The following NEDD4L variants were observed in gnomAD, a reference collection of about 807,000 sequenced individuals.
NEDD4L encodes NEDD4 like E3 ubiquitin protein ligase, also known as E3 ubiquitin-protein ligase NEDD4-like.
NEDD4L carries 54 observed loss-of-function variants against 148.9 expected under a neutral mutation model. The ratio of observed to expected loss-of-function variants is 0.36; its 90% CI spans 0.29 to 0.45. NEDD4L has a LOEUF of 0.45. Among genes scored for constraint, NEDD4L ranks in the 20% least tolerant of loss-of-function variants. NEDD4L has a pLI of 1.00. For synonymous variants in NEDD4L, 433 were observed against 440.7 expected (o/e 0.98, Z 0.22); for missense variants, 856 against 1,233.8 (o/e 0.69, Z 4.59).
Position 58,286,335 on chromosome 18 carries a change from C to A in NEDD4L, c.298-29647C>A, listed in dbSNP as rs556306803. ...GTCATCATTGTATCAATAAAGGTGCCAATTTAAGATGCTAACTGGACATTG... is the reference window on the plus strand; with the variant it reads ...GTCATCATTGTATCAATAAAGGTGCAAATTTAAGATGCTAACTGGACATTG... On this transcript the variant is annotated intron_variant, in intron 5 of 30. Transcript: ENST00000400345. Among the ~76,000 whole-genome samples, 4 of 152,300 alleles carry A rather than the reference C, an allele frequency of 2.6e-5. No homozygotes were observed. The South Asian group carries it at 8.3e-4, about 32-fold the overall frequency.
intron 1 of NEDD4L, among the ~76,000 whole-genome samples, chr18:58,163,923 A>C (rs1267501827): frequency 6.6e-6 from 1 of 150,998 alleles, no homozygotes; most frequent in Non-Finnish European, 1.5e-5. Flanking sequence ...ATAATCATCA[A>C]GGTTTTCTTG....
intron 2 of NEDD4L, among the ~76,000 whole-genome samples, chr18:58,224,961 G>A (rs2044187546): frequency 1.3e-5 from 2 of 152,108 alleles, no homozygotes; most frequent in South Asian, 4.2e-4. Flanking sequence ...CCTTAATTTT[G>A]GTTTAAAAAA....
intron 5 of NEDD4L, among the ~76,000 whole-genome samples, chr18:58,296,404 A>G (rs928698895): frequency 6.6e-6 from 1 of 152,226 alleles, no homozygotes; most frequent in Admixed American, 6.5e-5. Context: ...AACTTAAAAC[A>G]GCAGACATTT....
At chr18:58,118,499 AAT>A (rs2086006472) in intron 1 of NEDD4L, among the ~76,000 whole-genome samples, 1 of 152,202 alleles carries the variant, frequency 6.6e-6, no homozygotes, top group African/African-American at 2.4e-5. Flanking sequence ...TATTTATTAA[AAT>A]AAAAATCTGA....
intron 28 of NEDD4L, chr18:58,390,377 C>T: frequency 3.0e-6 from 1 of 337,706 alleles, no homozygotes; most frequent in Middle Eastern, 9.0e-4. Context: ...GAAACATGAG[C>T]TTGGTGCCAT....
rs2085946861 is a variant in NEDD4L, at chr18:58,117,758, G to A, written c.49-48030G>A. On this transcript the variant is annotated intron_variant, in intron 1 of 30. Transcript: ENST00000400345. ...TCTCTCTTTCTGGCACTTGTGTTCTGGAATCGCTTATCAGCCTGGACTCCT... is the reference window on the plus strand; with the variant it reads ...TCTCTCTTTCTGGCACTTGTGTTCTAGAATCGCTTATCAGCCTGGACTCCT... 3.3e-5 allele frequency among the ~76,000 whole-genome samples: 5 copies of A among 152,242 alleles called. No individual in the cohort carries two copies. The South Asian group carries it at 1.0e-3, about 32-fold the overall frequency.
chr18:58,254,237 TG>T (rs1330103435), intron 5 of NEDD4L, among the ~76,000 whole-genome samples: 2 of 152,206 alleles, frequency 1.3e-5, no homozygotes, highest in African/African-American at 4.8e-5. Context: ...ATAAACTTTT[TG>T]TTACTCTTAC....
At chr18:58,264,122 A>T (rs180704600) in intron 5 of NEDD4L, among the ~76,000 whole-genome samples, 1 of 152,122 alleles carries the variant, frequency 6.6e-6, no homozygotes, top group South Asian at 2.1e-4. Context: ...TTTAAGTTGA[A>T]TTAACCTCTT....
intron 1 of NEDD4L, among the ~76,000 whole-genome samples, chr18:58,136,280 C>G (rs2032838944): frequency 6.6e-6 from 1 of 152,052 alleles, no homozygotes; most frequent in Non-Finnish European, 1.5e-5. Flanking sequence ...AAGTAAGAAC[C>G]CTGCTCCGCA....
chr18:58,093,476 G>T (rs1189682134), intron 1 of NEDD4L, among the ~76,000 whole-genome samples: 7 of 152,092 alleles, frequency 4.6e-5, no homozygotes, highest in African/African-American at 1.7e-4. Flanking sequence ...GGTTTTTCTT[G>T]AAAAGTAGGA....
At chr18:58,390,887 A>G (rs2049731715) in intron 29 of NEDD4L, 145 bp downstream of exon 29, 2 of 674,684 alleles carry the variant, frequency 3.0e-6, no homozygotes, top group Non-Finnish European at 5.5e-6. Context: ...TGAAAGTTCA[A>G]TGAAAGTACT....
At chr18:58,063,481 T>G (rs1307462106) in intron 1 of NEDD4L, among the ~76,000 whole-genome samples, 3 of 152,220 alleles carry the variant, frequency 2.0e-5, no homozygotes, top group Non-Finnish European at 4.4e-5. Flanking sequence ...TGCTTATGTT[T>G]TTTTCTTTGC....
At chr18:58,127,490 G>A (rs1309483036) in intron 1 of NEDD4L, among the ~76,000 whole-genome samples, 1 of 151,794 alleles carries the variant, frequency 6.6e-6, no homozygotes. Context: ...GATCGCTTGA[G>A]GCCAGGAGTT....
Position 58,083,888 on chromosome 18 carries a change from G to T in NEDD4L, c.48+39180G>T, listed in dbSNP as rs189974901. 5.8e-3 allele frequency among the ~76,000 whole-genome samples: 878 copies of T among 152,212 alleles called. 8 individuals are homozygous for T. The highest frequency in any genetic ancestry group is 9.1e-3 in the Non-Finnish European group (619 of 68,008). ...TGGTACTACAGGCATGTTCCACCAT[G>T]CCTGGCTAATTTTTGTATTCTTAGT... On this transcript the variant is annotated intron_variant, in intron 1 of 30. Coordinates refer to ENST00000400345, the MANE Select transcript of NEDD4L (RefSeq NM_001144967.3).
intron 2 of NEDD4L, among the ~76,000 whole-genome samples, chr18:58,214,971 C>G (rs1357519230): frequency 6.6e-6 from 1 of 151,842 alleles, no homozygotes; most frequent in Admixed American, 6.6e-5. Context: ...ACCACCATGC[C>G]TGGCTAATTT....
intron 1 of NEDD4L, among the ~76,000 whole-genome samples, chr18:58,061,085 A>G (rs1279293778): frequency 1.3e-5 from 2 of 151,996 alleles, no homozygotes. Flanking sequence ...TGATTGTCAC[A>G]GCTTAGGAGA....
At chr18:58,365,384 C>G (rs1014105287) in intron 20 of NEDD4L, among the ~76,000 whole-genome samples, 32 of 152,238 alleles carry the variant, frequency 2.1e-4, no homozygotes, top group Non-Finnish European at 5.9e-5. Context: ...TTCATTCTTA[C>G]AGCCAGACCA....
intron 1 of NEDD4L, among the ~76,000 whole-genome samples, chr18:58,124,819 C>T (rs59534188): frequency 2.1e-3 from 313 of 152,350 alleles, no homozygotes; most frequent in African/African-American, 5.8e-3. Flanking sequence ...ATGTGCCTGA[C>T]ACCATTCTAA....
intron 5 of NEDD4L, among the ~76,000 whole-genome samples, chr18:58,260,140 C>T (rs1256762886): frequency 2.6e-5 from 4 of 152,272 alleles, no homozygotes; most frequent in Non-Finnish European, 4.4e-5. Context: ...CACTGCTCTA[C>T]AGCCTGGGCA....
Sources: gnomAD v4.1 joint callset for allele counts (sites outside exome capture counted in the v4.1 genomes callset) on GRCh38, gnomAD v4.1.1 for gene constraint, MANE v1.5 for transcripts, NCBI Gene and HGNC (gene_info 2026-07-23, HGNC 2026-07-21) for gene names.